The following CFAP54 variants were observed in gnomAD, a reference collection of about 807,000 sequenced individuals.
CFAP54 encodes the protein cilia- and flagella-associated protein 54.
Under a neutral mutation model 370.4 loss-of-function variants are expected in CFAP54, and 290 were observed. That is an observed-to-expected ratio of 0.78 (90% CI 0.71 to 0.86). The LOEUF is 0.86. CFAP54 is among the 40% of genes least tolerant of loss of function. The pLI is 0.00. For missense variants in CFAP54, 3,399 were observed against 3,528.7 expected, an observed-to-expected ratio of 0.96 and a Z score of 0.93; for synonymous variants, 1,206 against 1,236.5, an observed-to-expected ratio of 0.98 and a Z score of 0.52.
Position 96,742,466 on chromosome 12 carries a change from T to A in CFAP54, c.7099T>A (p.Phe2367Ile). 2.5e-6 allele frequency: 4 copies of A among 1,595,314 alleles called. No individual in the cohort carries two copies. Among genetic ancestry groups the A allele is most frequent in the Non-Finnish European group, 3.4e-6 (4 of 1,164,358 alleles). ...CACTGAAAATAAAGATGACAGTGAGTTTTTAGATCCTATTTCCCTAAATGC... is the reference window on the plus strand; with the variant it reads ...CACTGAAAATAAAGATGACAGTGAGATTTTAGATCCTATTTCCCTAAATGC... ...SVTENKDDSEFLDPISLNARE... is the reference protein window; with the variant it reads ...SVTENKDDSEILDPISLNARE... The change falls in exon 52 of 68, where the codon TTT becomes ATT. Residue 2367 changes from phenylalanine (F) to isoleucine (I), a missense_variant. Physicochemically the swap from Phe to Ile is conservative, Grantham distance 21. Transcript: ENST00000524981.
At chr12:96,828,730 T>C (rs1316479767) in intron 65 of CFAP54, among the ~76,000 whole-genome samples, 1 of 152,182 alleles carries the variant, frequency 6.6e-6, no homozygotes, top group Admixed American at 6.6e-5. Context: ...TTCAGGGATC[T>C]GAAACTCTTC....
chr12:96,572,994 C>G (rs1955938449), intron 19 of CFAP54: 1 of 985,276 alleles, frequency 1.0e-6, no homozygotes, highest in Admixed American at 6.1e-5. Context: ...ACTACCAAGG[C>G]AAATTTTGAG....
intron 36 of CFAP54, among the ~76,000 whole-genome samples, chr12:96,653,887 G>A (rs912572916): frequency 2.0e-5 from 3 of 151,274 alleles, no homozygotes; most frequent in Admixed American, 6.6e-5. Context: ...ACAAAAGTGA[G>A]AAAAGCACAA....
chr12:96,564,882 G>C (rs562410505), intron 19 of CFAP54, 117 bp downstream of exon 19: 1 of 465,654 alleles, frequency 2.1e-6, no homozygotes, highest in Admixed American at 4.0e-5. Context: ...TGAACTTTCA[G>C]ATTCACTATA....
At chr12:96,845,090 T>C (rs1959300586) in intron 66 of CFAP54, among the ~76,000 whole-genome samples, 1 of 152,224 alleles carries the variant, frequency 6.6e-6, no homozygotes. Context: ...CTTTAATCTC[T>C]AGTTTTTCTT....
chr12:96,621,875 G>GTTTTTTTTTT (rs71068819), intron 27 of CFAP54, among the ~76,000 whole-genome samples, 154 bp downstream of exon 27: 620 of 50,028 alleles, frequency 0.012, 123 homozygotes, highest in East Asian at 0.11. Context: ...TTTTGGGTTT[G>GTTTTTTTTTT]TTTTTTTTTT....
At chr12:96,740,624 C>T (rs1015314218) in intron 51 of CFAP54, among the ~76,000 whole-genome samples, 6 of 152,174 alleles carry the variant, frequency 3.9e-5, no homozygotes, top group African/African-American at 1.4e-4. Context: ...CTCATTATTT[C>T]AAGTATTACT....
At chr12:96,855,288 C>T (rs1010660448) in intron 66 of CFAP54, among the ~76,000 whole-genome samples, 1 of 152,088 alleles carries the variant, frequency 6.6e-6, no homozygotes, top group East Asian at 1.9e-4. Flanking sequence ...TCATTCTGCC[C>T]CTGGCCCCTC....
chr12:96,659,320 G>A (rs1956963357), intron 38 of CFAP54, among the ~76,000 whole-genome samples: 1 of 152,102 alleles, frequency 6.6e-6, no homozygotes, highest in Non-Finnish European at 1.5e-5. Context: ...TTTTAGTAGA[G>A]ACAGGGTTTC....
chr12:96,832,965 G>A (rs1257574205), intron 66 of CFAP54, among the ~76,000 whole-genome samples: 3 of 152,174 alleles, frequency 2.0e-5, no homozygotes, highest in Non-Finnish European at 2.9e-5. Flanking sequence ...ACTAGCAGAA[G>A]ATCTTGCTGT....
chr12:96,741,411 C>T lies in CFAP54; in HGVS notation c.7072-1028C>T, dbSNP rs188354976. ...CTCCTGACCTCAGGTTATTCACCTGCCTTGGCCTCCCAAAGTGCTGAGATT... is the reference window on the plus strand; with the variant it reads ...CTCCTGACCTCAGGTTATTCACCTGTCTTGGCCTCCCAAAGTGCTGAGATT... On this transcript the variant is annotated intron_variant, in intron 51 of 67. Coordinates refer to ENST00000524981, the MANE Select transcript of CFAP54 (RefSeq NM_001306084.2). 6.0e-4 allele frequency among the ~76,000 whole-genome samples: 92 copies of T among 152,276 alleles called. No homozygotes were observed. In the East Asian group the frequency reaches 0.017, roughly 29 times the overall value.
rs1958080982 is a variant in CFAP54, at chr12:96,743,856, A to C, written c.7503A>C (p.Ser2501=). The C allele has an allele frequency of 1.2e-6, 2 of 1,613,666 alleles. No homozygotes were observed. The highest frequency in any genetic ancestry group is 4.5e-5 in the East Asian group (2 of 44,876). Residue 2501 remains serine, a synonymous_variant, in exon 54 of 68, where the codon TCA becomes TCC. Coordinates refer to ENST00000524981, the MANE Select transcript of CFAP54 (RefSeq NM_001306084.2). ...KAEKFKESPS[S]KTGKLNLLTR... is the part of the protein sequence containing the mutation. ...AGAAATTCAAGGAATCTCCCTCTTCAAAAACAGGAAAATTAAATTTGTTAA... is the reference window on the plus strand; with the variant it reads ...AGAAATTCAAGGAATCTCCCTCTTCCAAAACAGGAAAATTAAATTTGTTAA...
rs925935013 is a variant in CFAP54 at position 96,489,730 on chromosome 12, A to T, written c.121A>T (p.Ser41Cys). 2 of 1,535,824 alleles carry T rather than the reference A, an allele frequency of 1.3e-6. No homozygotes were observed. The highest frequency in any genetic ancestry group is 1.7e-6 in the Non-Finnish European group (2 of 1,146,846). ...TSRSPPESKG[S>C]SRSSLLQWTC... ...GAGGTCGCCCCCAGAGTCGAAGGGG[A>T]GCTCCCGGAGCTCGCTGCTTCAGTG... Residue 41 changes from serine to cysteine, a missense_variant, in exon 1 of 68, where the codon AGC (serine) becomes TGC (cysteine). Coordinates refer to ENST00000524981, the MANE Select transcript of CFAP54 (RefSeq NM_001306084.2).
intron 60 of CFAP54, among the ~76,000 whole-genome samples, chr12:96,777,453 G>A (rs772225990): frequency 1.3e-5 from 2 of 151,820 alleles, no homozygotes; most frequent in East Asian, 3.9e-4. Flanking sequence ...GGGTTCAAGT[G>A]ATTCTCCTGC....
chr12:96,857,961 T>C (rs118118827), intron 66 of CFAP54, among the ~76,000 whole-genome samples: 1,698 of 152,304 alleles, frequency 0.011, 78 homozygotes, highest in East Asian at 0.11. Context: ...GCAATGAACA[T>C]TTGTGTGCAC....
chr12:96,868,259 C>T lies in CFAP54; in HGVS notation c.*15-6859C>T, dbSNP rs1018702555. 3.3e-5 allele frequency among the ~76,000 whole-genome samples: 5 copies of T among 152,150 alleles called. No individual in the cohort carries two copies. In the East Asian group the frequency reaches 5.8e-4, roughly 18 times the overall value. On this transcript the variant is annotated intron_variant, in intron 67 of 67. Coordinates refer to ENST00000524981, the MANE Select transcript of CFAP54 (RefSeq NM_001306084.2). ...CCAAAGTAGGTAGATTTCAAGGAAA[C>T]AAATAAATTTATGTTCCCACTTTGT...
chr12:96,500,722 A>C, intron 1 of CFAP54, 112 bp from the exon 2 acceptor site: 1 of 608,194 alleles, frequency 1.6e-6, no homozygotes, highest in Admixed American at 3.2e-5. Flanking sequence ...CATTAACAAT[A>C]AGGCACATTG....
intron 22 of CFAP54, among the ~76,000 whole-genome samples, chr12:96,587,475 A>G (rs768564493): frequency 8.5e-5 from 13 of 152,130 alleles, no homozygotes; most frequent in Non-Finnish European, 1.6e-4. Context: ...CTTCTTTCTC[A>G]TTTTCATTCA....
intron 20 of CFAP54, 133 bp from the exon 21 acceptor site, chr12:96,580,464 C>A: frequency 2.0e-6 from 1 of 503,426 alleles, no homozygotes; most frequent in South Asian, 4.1e-5. Flanking sequence ...AAGATTAAAC[C>A]TAAGTATATT....
Sources: allele counts gnomAD v4.1 joint callset (sites outside exome capture counted in the v4.1 genomes callset), GRCh38; gene constraint gnomAD v4.1.1; transcripts MANE v1.5; gene names NCBI Gene and HGNC (gene_info 2026-07-23, HGNC 2026-07-21).